Variants in ASAP2 observed in about 807,000 individuals in gnomAD.
ASAP2 encodes the protein ArfGAP with SH3 domain, ankyrin repeat and PH domain 2.
In ASAP2, 45 loss-of-function variants were observed where a neutral mutation model predicts 131.4. The ratio of observed to expected loss-of-function variants is 0.34; its 90% confidence interval spans 0.27 to 0.44. The LOEUF (loss-of-function observed/expected upper bound fraction) is 0.44. Among genes scored for constraint, ASAP2 ranks in the 20% least tolerant of loss-of-function variants. ASAP2 has a pLI of 1.00. For synonymous variants in ASAP2, 510 were observed against 503.0 expected (o/e 1.01, Z -0.19); for missense variants, 1,011 against 1,297.0 (o/e 0.78, Z 3.39).
At chr2:9,350,601 A>G in intron 11 of ASAP2, 1 of 473,470 alleles carries the variant, frequency 2.1e-6, no homozygotes, top group Non-Finnish European at 3.8e-6. Context: ...GTGCCCTTGC[A>G]GGGAGGCAGT....
chr2:9,373,249 C>T lies in ASAP2; in HGVS notation c.1557-1506C>T, dbSNP rs550631918. On this transcript the variant is annotated intron_variant, in intron 16 of 27. Transcript: ENST00000281419. ...CCAGAGCACAAGTTCACCAGGTGCC[C>T]CTGGAAGTCCTTCCTGGGCTGTGAA... Among the ~76,000 whole-genome samples, 500 of 151,564 alleles carry T rather than the reference C, an allele frequency of 3.3e-3. 3 individuals are homozygous for T. The highest frequency in any genetic ancestry group is 0.017 in the South Asian group (80 of 4,812).
At chr2:9,233,362 A>T (rs1663301673) in intron 1 of ASAP2, among the ~76,000 whole-genome samples, 1 of 152,314 alleles carries the variant, frequency 6.6e-6, no homozygotes. Context: ...AGAGGCCTTT[A>T]TGCTTTTTGT....
Position 9,388,421 on chromosome 2 carries a change from T to C in ASAP2, c.2258T>C (p.Phe753Ser). Reference sequence around the variant, plus strand: ...CTTGCCAAGGAGAAGCAGAGGGCTTTCATGCCCAGCATCTTGCAGAATGAG... The same window carrying C: ...CTTGCCAAGGAGAAGCAGAGGGCTTCCATGCCCAGCATCTTGCAGAATGAG... The part of the protein sequence containing the change: ...ANLAKEKQRA[F>S]MPSILQNETY... Residue 753 changes from phenylalanine to serine, a missense_variant, in exon 22 of 28, where the codon TTC (phenylalanine) becomes TCC (serine). By Grantham distance (155) the Phe-to-Ser change is radical. Transcript: ENST00000281419. 6.2e-7 allele frequency: 1 copy of C among 1,614,158 alleles called. No homozygotes were observed. Among genetic ancestry groups the C allele is most frequent in the Non-Finnish European group, 8.5e-7 (1 of 1,180,008 alleles).
intron 15 of ASAP2, among the ~76,000 whole-genome samples, chr2:9,360,467 G>C (rs919425935): frequency 5.3e-5 from 8 of 152,162 alleles, no homozygotes; most frequent in African/African-American, 1.9e-4. Context: ...TGGCATTTTA[G>C]TGGGTTGTCT....
intron 1 of ASAP2, among the ~76,000 whole-genome samples, chr2:9,270,453 C>T (rs1311657108): frequency 2.6e-5 from 4 of 151,514 alleles, no homozygotes; most frequent in South Asian, 2.1e-4. Context: ...ATTGTGGGTA[C>T]GTGGTATATA....
intron 24 of ASAP2, among the ~76,000 whole-genome samples, chr2:9,398,159 T>C (rs1331093849): frequency 6.6e-6 from 1 of 151,992 alleles, no homozygotes; most frequent in Non-Finnish European, 1.5e-5. Context: ...TTATGTAGTC[T>C]GGGGCTGCTT....
At chr2:9,366,760 A>G (rs957501497) in intron 15 of ASAP2, among the ~76,000 whole-genome samples, 1 of 152,150 alleles carries the variant, frequency 6.6e-6, no homozygotes, top group African/African-American at 2.4e-5. Context: ...TCCACGTGTC[A>G]AGGGCCGGGT....
At chr2:9,326,907 T>C (rs2148527400) in intron 6 of ASAP2, among the ~76,000 whole-genome samples, 1 of 152,342 alleles carries the variant, frequency 6.6e-6, no homozygotes, top group South Asian at 2.1e-4. Context: ...CTTCTTAGAA[T>C]AAATTCCTGG....
chr2:9,312,079 T>C (rs1212501242), intron 3 of ASAP2, among the ~76,000 whole-genome samples: 4 of 152,352 alleles, frequency 2.6e-5, no homozygotes, highest in Middle Eastern at 3.4e-3. Context: ...TACACATCAG[T>C]GATTTCCAGT....
At chr2:9,286,643 A>T (rs546722301) in intron 2 of ASAP2, among the ~76,000 whole-genome samples, 1 of 152,222 alleles carries the variant, frequency 6.6e-6, no homozygotes, top group Admixed American at 6.5e-5. Context: ...CTTTTTGTGG[A>T]AGGAGATCCA....
chr2:9,207,269 C>T lies in ASAP2; in HGVS notation c.126+39C>T, dbSNP rs1211383841. On this transcript the variant is annotated intron_variant, in intron 1 of 27. Coordinates refer to ENST00000281419, the MANE Select transcript of ASAP2 (RefSeq NM_003887.3). The surrounding 1 kb of genome is among the most constrained non-coding windows in gnomAD (Gnocchi z 4.1). ...CGCGGCGGCTCCGGCCGCAGGTATCCCGCGCCCCAGCCCCGCCCGCCGCTC... is the reference window on the plus strand; with the variant it reads ...CGCGGCGGCTCCGGCCGCAGGTATCTCGCGCCCCAGCCCCGCCCGCCGCTC... 6.7e-7 allele frequency: 1 copy of T among 1,501,720 alleles called. No individual in the cohort carries two copies. The highest frequency in any genetic ancestry group is 2.2e-5 in the Admixed American group (1 of 46,318). 93.0% of individuals were successfully genotyped at this position (1,501,720 alleles called of 1,614,324 possible).
At chr2:9,342,543 A>G (rs1671659689) in intron 9 of ASAP2, among the ~76,000 whole-genome samples, 1 of 152,264 alleles carries the variant, frequency 6.6e-6, no homozygotes, top group Admixed American at 6.5e-5. Flanking sequence ...AGCTGAGACT[A>G]TAAACCTCTT....
chr2:9,229,196 C>T (rs1662982408), intron 1 of ASAP2, among the ~76,000 whole-genome samples: 1 of 152,160 alleles, frequency 6.6e-6, no homozygotes, highest in African/African-American at 2.4e-5. Flanking sequence ...AGAAACCCAA[C>T]AGATTTAAAG....
At chr2:9,313,411 G>T (rs542963789) in intron 3 of ASAP2, among the ~76,000 whole-genome samples, 1 of 152,082 alleles carries the variant, frequency 6.6e-6, no homozygotes, top group Admixed American at 6.5e-5. Flanking sequence ...CCACTCACTC[G>T]TGTACATTCA....
In ASAP2 at chr2:9,338,782, C is replaced by T. The variant is rs138080408; in HGVS notation, c.849+3603C>T. ...GTGTAATGAGAGCACTCGTGGACAT[C>T]AGCTCCAGGAAGCAGTGTCTGCCCA... is the stretch of plus-strand genomic sequence containing the variant. On this transcript the variant is annotated intron_variant, in intron 9 of 27. Transcript: ENST00000281419. Among the ~76,000 whole-genome samples, 46 of 152,326 alleles carry T rather than the reference C, an allele frequency of 3.0e-4. No individual in the cohort carries two copies. The East Asian group carries it at 8.3e-3, about 27-fold the overall frequency.
intron 6 of ASAP2, among the ~76,000 whole-genome samples, chr2:9,326,372 T>G (rs1670476334): frequency 6.6e-6 from 1 of 152,242 alleles, no homozygotes; most frequent in Non-Finnish European, 1.5e-5. Context: ...GCTTTCAGGC[T>G]TTTATTTTAA....
chr2:9,399,864 T>C (rs1310976937), intron 24 of ASAP2, 159 bp from the exon 25 acceptor site: 1 of 704,766 alleles, frequency 1.4e-6, no homozygotes, highest in Non-Finnish European at 2.4e-6. Flanking sequence ...GGCCTCTCAT[T>C]CTTCCTTTTC....
rs779361402 is a variant in ASAP2 at position 9,368,399 on chromosome 2, C to T, written c.1462-26C>T. On this transcript the variant is annotated intron_variant, in intron 15 of 27. Coordinates refer to ENST00000281419, the MANE Select transcript of ASAP2 (RefSeq NM_003887.3). ...GTAGAATGTATTAATAATTGAGTAT[C>T]CTGAAATAGACTTTCATTTTTGCAG... is the stretch of plus-strand genomic sequence containing the variant. The T allele has an allele frequency of 1.9e-6, 3 of 1,592,602 alleles. No homozygotes were observed. In the African/African-American group the frequency reaches 4.0e-5, roughly 21 times the overall value.
intron 1 of ASAP2, among the ~76,000 whole-genome samples, chr2:9,236,054 C>A (rs571703522): frequency 3.9e-5 from 6 of 152,264 alleles, no homozygotes; most frequent in African/African-American, 1.2e-4. Context: ...CAAAGAAGTA[C>A]CTTGTCCCAA....
Sources: gnomAD v4.1 joint callset for allele counts (sites outside exome capture counted in the v4.1 genomes callset) on GRCh38, gnomAD v4.1.1 for gene constraint, Gnocchi (gnomAD v3.1) non-coding constraint, MANE v1.5 for transcripts, NCBI Gene and HGNC (gene_info 2026-07-23, HGNC 2026-07-21) for gene names.